Variants in ARHGAP24 observed in about 807,000 individuals in gnomAD.
ARHGAP24 encodes rho GTPase-activating protein 24.
In ARHGAP24, 50 loss-of-function variants were observed where a neutral mutation model predicts 76.4. The ratio of observed to expected loss-of-function variants is 0.65; its 90% CI spans 0.52 to 0.83. The LOEUF is 0.83. Among genes scored for constraint, ARHGAP24 ranks in the 40% least tolerant of loss-of-function variants. ARHGAP24 has a pLI of 0.00. For synonymous variants in ARHGAP24, 345 were observed against 323.3 expected (o/e 1.07, Z -0.72); for missense variants, 930 against 914.2 (o/e 1.02, Z -0.22).
At chr4:85,889,217 G>A (rs1194513825) in intron 3 of ARHGAP24, among the ~76,000 whole-genome samples, 3 of 152,136 alleles carry the variant, frequency 2.0e-5, no homozygotes, top group Non-Finnish European at 4.4e-5. Flanking sequence ...AATTCTATAT[G>A]GACATGGGGT....
chr4:85,982,420 A>G (rs1204545924), intron 8 of ARHGAP24, among the ~76,000 whole-genome samples: 1 of 142,048 alleles, frequency 7.0e-6, no homozygotes, highest in African/African-American at 2.8e-5. Flanking sequence ...AAAATGGAGA[A>G]GCAAAATAAT....
intron 2 of ARHGAP24, among the ~76,000 whole-genome samples, chr4:85,642,677 C>A (rs1721570727): frequency 6.6e-6 from 1 of 150,510 alleles, no homozygotes; most frequent in Non-Finnish European, 1.5e-5. Flanking sequence ...TCTACTGCTA[C>A]CACCCTTGAG....
chr4:85,942,553 G>A, intron 5 of ARHGAP24: 1 of 333,160 alleles, frequency 3.0e-6, no homozygotes, highest in Non-Finnish European at 5.5e-6. Context: ...ACTGGAAAAA[G>A]TGAATTTATA....
At chr4:85,695,649 A>G (rs1043687740) in intron 2 of ARHGAP24, among the ~76,000 whole-genome samples, 3 of 152,154 alleles carry the variant, frequency 2.0e-5, no homozygotes, top group Non-Finnish European at 4.4e-5. Context: ...AAGCTAAATA[A>G]CTCACACCTA....
intron 2 of ARHGAP24, among the ~76,000 whole-genome samples, chr4:85,624,420 A>C (rs1180688275): frequency 6.6e-6 from 1 of 152,194 alleles, no homozygotes; most frequent in African/African-American, 2.4e-5. Flanking sequence ...CCAGCCTTGC[A>C]TCCCAGGGAT....
chr4:85,937,888 A>G lies in ARHGAP24; in HGVS notation c.392-4178A>G, dbSNP rs199515095. Among the ~76,000 whole-genome samples, 18 of 152,350 alleles carry G rather than the reference A, an allele frequency of 1.2e-4. No homozygotes were observed. The East Asian group carries it at 3.5e-3, about 29-fold the overall frequency. On this transcript the variant is annotated intron_variant, in intron 4 of 9. Transcript: ENST00000395184. ...GAGTCACATACTTCACTGGGAATTG[A>G]GGAGCAAAGAGAATATGTAGTTACA...
chr4:85,637,535 C>T (rs905206670), intron 2 of ARHGAP24, among the ~76,000 whole-genome samples: 2 of 151,998 alleles, frequency 1.3e-5, no homozygotes, highest in Non-Finnish European at 2.9e-5. Flanking sequence ...TAACCACTAG[C>T]CGCATGGGGC....
chr4:85,899,070 G>T (rs542837223), intron 3 of ARHGAP24, among the ~76,000 whole-genome samples: 20 of 152,252 alleles, frequency 1.3e-4, no homozygotes, highest in African/African-American at 4.8e-4. Context: ...AATGACTAAA[G>T]ATATAAGTAT....
chr4:85,525,720 C>T (rs2110113621), intron 1 of ARHGAP24, among the ~76,000 whole-genome samples: 1 of 152,224 alleles, frequency 6.6e-6, no homozygotes, highest in Middle Eastern at 3.4e-3. Flanking sequence ...GATGATATGG[C>T]ATGGCTGTCT....
Position 85,957,339 on chromosome 4 carries a change from C to A in ARHGAP24, c.600-14697C>A, listed in dbSNP as rs546145496. Among the ~76,000 whole-genome samples, 4 of 152,264 alleles carry A rather than the reference C, an allele frequency of 2.6e-5. No individual in the cohort carries two copies. In the South Asian group the frequency reaches 6.2e-4, roughly 24 times the overall value. On this transcript the variant is annotated intron_variant, in intron 5 of 9. Coordinates refer to ENST00000395184, the MANE Select transcript of ARHGAP24 (RefSeq NM_001025616.3). ...TGAAAACCAGCACTACTTGCATAAA[C>A]ACGAGGTCAATGTAACATAAGCACA...
chr4:85,729,587 T>C (rs193240892), intron 3 of ARHGAP24, among the ~76,000 whole-genome samples: 2 of 152,268 alleles, frequency 1.3e-5, no homozygotes, highest in South Asian at 2.1e-4. Context: ...GGTAGACATA[T>C]TGATCCAGTC....
Position 85,607,953 on chromosome 4 carries a change from T to A in ARHGAP24, c.180+37232T>A, listed in dbSNP as rs1720257626. Reference sequence around the variant, plus strand: ...CTGGGCCTTGGTGTTTATACAGGTGTGCCTCTAACTGTCTGTGGGTCTGCA... The same window carrying A: ...CTGGGCCTTGGTGTTTATACAGGTGAGCCTCTAACTGTCTGTGGGTCTGCA... On this transcript the variant is annotated intron_variant, in intron 2 of 9. Transcript: ENST00000395184. 3.3e-5 allele frequency among the ~76,000 whole-genome samples: 5 copies of A among 151,798 alleles called. No homozygotes were observed. In the South Asian group the frequency reaches 1.0e-3, roughly 32 times the overall value.
At chr4:85,499,609 C>G (rs771098234) in intron 1 of ARHGAP24, among the ~76,000 whole-genome samples, 1 of 152,146 alleles carries the variant, frequency 6.6e-6, no homozygotes, top group Non-Finnish European at 1.5e-5. Flanking sequence ...AAGATTGGCT[C>G]CTAGAATATT....
chr4:85,711,486 T>C (rs1724526496), intron 2 of ARHGAP24, among the ~76,000 whole-genome samples: 1 of 152,200 alleles, frequency 6.6e-6, no homozygotes, highest in Admixed American at 6.6e-5. Context: ...TAAAATATTA[T>C]CTTAGTTTAA....
At chr4:85,925,862 G>T (rs781544526) in intron 4 of ARHGAP24, among the ~76,000 whole-genome samples, 2 of 152,032 alleles carry the variant, frequency 1.3e-5, no homozygotes, top group Non-Finnish European at 2.9e-5. Context: ...GCCTGAGGAT[G>T]AATCTTTTCA....
chr4:85,821,210 G>T (rs1729455175), intron 3 of ARHGAP24, among the ~76,000 whole-genome samples: 1 of 152,104 alleles, frequency 6.6e-6, no homozygotes, highest in Admixed American at 6.5e-5. Context: ...TGAGCCTATA[G>T]ATATAATTTT....
chr4:85,812,867 C>T (rs1729072120), intron 3 of ARHGAP24, among the ~76,000 whole-genome samples: 1 of 152,170 alleles, frequency 6.6e-6, no homozygotes, highest in African/African-American at 2.4e-5. Context: ...AAATAACCAC[C>T]TACTCTCCAG....
At chr4:85,928,105 G>A (rs374675837) in intron 4 of ARHGAP24, among the ~76,000 whole-genome samples, 7 of 152,186 alleles carry the variant, frequency 4.6e-5, no homozygotes, top group African/African-American at 1.4e-4. Context: ...CCCATGCACA[G>A]TTGCTCCTCT....
intron 1 of ARHGAP24, among the ~76,000 whole-genome samples, chr4:85,544,853 T>C (rs1370538311): frequency 6.6e-6 from 1 of 152,160 alleles, no homozygotes; most frequent in Admixed American, 6.5e-5. Context: ...AAAACACCTT[T>C]TCTTAACAGT....
Sources: allele counts gnomAD v4.1 joint callset (sites outside exome capture counted in the v4.1 genomes callset), GRCh38; gene constraint gnomAD v4.1.1; transcripts MANE v1.5; gene names NCBI Gene and HGNC (gene_info 2026-07-23, HGNC 2026-07-21).